Variants in ZNF385B observed in about 807,000 individuals in gnomAD.
The protein encoded by ZNF385B is zinc finger protein 533.
In ZNF385B, 23 loss-of-function variants were observed where a neutral mutation model predicts 39.2. That is an observed-to-expected ratio of 0.59 (90% confidence interval 0.42 to 0.83). ZNF385B has a LOEUF of 0.83. Among genes scored for constraint, ZNF385B ranks in the 40% least tolerant of loss-of-function variants. The probability of loss-of-function intolerance (pLI) is 0.00; values close to 1 mark genes in which losing one functional copy is unlikely to be tolerated. For synonymous variants in ZNF385B, 205 were observed against 222.6 expected (o/e 0.92, Z 0.70); for missense variants, 552 against 598.9 (o/e 0.92, Z 0.82).
chr2:179,698,523 T>C (rs1338317937), intron 3 of ZNF385B, among the ~76,000 whole-genome samples: 1 of 152,218 alleles, frequency 6.6e-6, no homozygotes, highest in African/African-American at 2.4e-5. Context: ...ATATCCATTT[T>C]TAAATCAAGG....
At chr2:179,494,385 G>A (rs1045683699) in intron 5 of ZNF385B, among the ~76,000 whole-genome samples, 7 of 152,056 alleles carry the variant, frequency 4.6e-5, no homozygotes, top group East Asian at 1.9e-4. Context: ...GGAGAGGCTC[G>A]GGGTGAGGCA....
At chr2:179,610,500 T>C (rs1367703715) in intron 3 of ZNF385B, among the ~76,000 whole-genome samples, 1 of 152,148 alleles carries the variant, frequency 6.6e-6, no homozygotes, top group African/African-American at 2.4e-5. Flanking sequence ...ATTTCTCTAG[T>C]TTTGCTTCTG....
chr2:179,733,373 T>A (rs1405904487), intron 3 of ZNF385B, among the ~76,000 whole-genome samples: 1 of 152,246 alleles, frequency 6.6e-6, no homozygotes, highest in East Asian at 1.9e-4. Context: ...GCTTTTTCTG[T>A]GATAACTTTT....
chr2:179,854,445 T>C (rs564801401), intron 1 of ZNF385B, among the ~76,000 whole-genome samples: 1 of 151,844 alleles, frequency 6.6e-6, no homozygotes, highest in East Asian at 2.0e-4. Context: ...TTCCATATCC[T>C]TACCTATTAT....
At chr2:179,794,287 GAT>G (rs1705516466) in intron 1 of ZNF385B, among the ~76,000 whole-genome samples, 1 of 152,072 alleles carries the variant, frequency 6.6e-6, no homozygotes, top group African/African-American at 2.4e-5. Context: ...ATAAATTTAT[GAT>G]AGATAATATT....
Position 179,844,048 on chromosome 2 carries a change from A to C in ZNF385B, c.-155+17053T>G, listed in dbSNP as rs541037862. The stretch of plus-strand genomic sequence containing the variant: ...AGAAGCGAGCAAGCCATTTTGAACA[A>C]TTCTGTACAATGAGCCCATACTCCT... On this transcript the variant is annotated intron_variant, in intron 1 of 9. Transcript: ENST00000410066. Among the ~76,000 whole-genome samples the C allele has an allele frequency of 1.3e-4, 20 of 152,288 alleles. No homozygotes were observed. In the South Asian group the frequency reaches 3.9e-3, roughly 30 times the overall value.
At chr2:179,715,555 C>T (rs551449331) in intron 3 of ZNF385B, among the ~76,000 whole-genome samples, 2 of 152,260 alleles carry the variant, frequency 1.3e-5, no homozygotes, top group South Asian at 2.1e-4. Flanking sequence ...ATATCCCATA[C>T]CTCGATATTT....
At chr2:179,527,717 T>C (rs1166515170) in intron 4 of ZNF385B, among the ~76,000 whole-genome samples, 1 of 152,186 alleles carries the variant, frequency 6.6e-6, no homozygotes, top group East Asian at 1.9e-4. Context: ...TACACATTTA[T>C]AAATGTATGA....
chr2:179,749,012 C>A (rs1702528397), intron 3 of ZNF385B, among the ~76,000 whole-genome samples: 1 of 152,064 alleles, frequency 6.6e-6, no homozygotes, highest in Non-Finnish European at 1.5e-5. Context: ...CATTTTCTAT[C>A]TGAAGAAGGA....
rs576079732 is a variant in ZNF385B at position 179,575,760 on chromosome 2, C to T, written c.299-30791G>A. On this transcript the variant is annotated intron_variant, in intron 3 of 9. Transcript: ENST00000410066. ...GCATGAAGAATAAGTGGTAGTTATGCCCAAGTGTTTTGGTATTCTTAAAAG... is the reference window on the plus strand; with the variant it reads ...GCATGAAGAATAAGTGGTAGTTATGTCCAAGTGTTTTGGTATTCTTAAAAG... Among the ~76,000 whole-genome samples, 61 of 151,866 alleles carry T rather than the reference C, an allele frequency of 4.0e-4. 1 individual carries two copies. The highest frequency in any genetic ancestry group is 1.4e-3 in the African/African-American group (60 of 41,388).
At chr2:179,762,427 G>A (rs1433297847) in intron 3 of ZNF385B, among the ~76,000 whole-genome samples, 2 of 151,966 alleles carry the variant, frequency 1.3e-5, no homozygotes, top group African/African-American at 4.8e-5. Flanking sequence ...GCTGACCTCA[G>A]GTGCTATGCC....
chr2:179,578,468 ATG>A (rs975840674), intron 3 of ZNF385B, among the ~76,000 whole-genome samples: 1 of 152,104 alleles, frequency 6.6e-6, no homozygotes, highest in African/African-American at 2.4e-5. Flanking sequence ...TGGTTAGAGG[ATG>A]TGTGTGGTGC....
intron 3 of ZNF385B, among the ~76,000 whole-genome samples, chr2:179,692,140 C>T (rs774504703): frequency 5.9e-5 from 9 of 152,136 alleles, no homozygotes; most frequent in Non-Finnish European, 1.3e-4. Context: ...CCACTCACCA[C>T]ATCCCTTCTT....
chr2:179,651,553 C>T (rs1204558408), intron 3 of ZNF385B, among the ~76,000 whole-genome samples: 3 of 151,392 alleles, frequency 2.0e-5, no homozygotes, highest in African/African-American at 7.4e-5. Flanking sequence ...TAAGTTTACA[C>T]TGTTTCCCAG....
At chr2:179,808,959 T>C (rs985468115) in intron 1 of ZNF385B, among the ~76,000 whole-genome samples, 4 of 152,180 alleles carry the variant, frequency 2.6e-5, no homozygotes, top group African/African-American at 4.8e-5. Flanking sequence ...ATAGGTGAAA[T>C]AGATAAATGA....
At chr2:179,709,895 A>T (rs1176994939) in intron 3 of ZNF385B, among the ~76,000 whole-genome samples, 1 of 152,150 alleles carries the variant, frequency 6.6e-6, no homozygotes, top group Non-Finnish European at 1.5e-5. Flanking sequence ...CAAGCATGCC[A>T]CACAGAAAAG....
intron 4 of ZNF385B, among the ~76,000 whole-genome samples, chr2:179,525,000 A>T (rs150699856): frequency 6.6e-6 from 1 of 152,320 alleles, no homozygotes; most frequent in East Asian, 1.9e-4. Flanking sequence ...TGTAGTCTCC[A>T]TCATCACTCG....
At chr2:179,836,869 G>A (rs1708283266) in intron 1 of ZNF385B, among the ~76,000 whole-genome samples, 1 of 152,102 alleles carries the variant, frequency 6.6e-6, no homozygotes, top group Non-Finnish European at 1.5e-5. Context: ...ACAGCAAACT[G>A]GGCCTTCCTG....
At chr2:179,754,333 G>A (rs1291399601) in intron 3 of ZNF385B, among the ~76,000 whole-genome samples, 1 of 152,158 alleles carries the variant, frequency 6.6e-6, no homozygotes, top group African/African-American at 2.4e-5. Context: ...AATTCGGTGT[G>A]CCAGTATTTT....
Sources: allele counts gnomAD v4.1 joint callset (sites outside exome capture counted in the v4.1 genomes callset), GRCh38; gene constraint gnomAD v4.1.1; transcripts MANE v1.5; gene names NCBI Gene and HGNC (gene_info 2026-07-23, HGNC 2026-07-21).